The following FECH variants were observed in gnomAD, a reference collection of about 807,000 sequenced individuals.
FECH encodes the protein ferrochelatase.
A neutral mutation model predicts 56.9 loss-of-function variants in FECH; 40 were observed. That is an observed-to-expected ratio of 0.70 (90% CI 0.55 to 0.92). The LOEUF is 0.92. Among genes scored for constraint, FECH ranks in the 40% least tolerant of loss-of-function variants. The pLI is 0.00. For missense variants in FECH, 431 were observed against 529.1 expected (o/e 0.81, Z 1.82); for synonymous variants, 175 against 198.6 (o/e 0.88, Z 1.00).
chr18:57,580,135 G>C lies in FECH; in HGVS notation c.132C>G (p.Ala44=), dbSNP rs147500247. 3.1e-6 allele frequency: 5 copies of C among 1,614,128 alleles called. No homozygotes were observed. The highest frequency in any genetic ancestry group is 4.2e-6 in the Non-Finnish European group (5 of 1,180,022). Residue 44 remains alanine, a synonymous_variant, in exon 2 of 11, where the codon GCC becomes GCG. Coordinates refer to ENST00000262093, the MANE Select transcript of FECH (RefSeq NM_000140.5). The stretch of plus-strand genomic sequence containing the variant: ...CATGCTGGGCTGTTTCTGTGGTGAC[G>C]GCCGCTGCAGCTGCACCTGACTTCC... ...WRWKSGAAAA[A]VTTETAQHAQ...
chr18:57,561,548 A>G (rs1230919344), intron 6 of FECH, among the ~76,000 whole-genome samples: 1 of 152,206 alleles, frequency 6.6e-6, no homozygotes, highest in African/African-American at 2.4e-5. Flanking sequence ...AGCCTCTCAG[A>G]GCCTTCAATC....
chr18:57,576,719 T>C (rs1279983408), intron 2 of FECH, among the ~76,000 whole-genome samples: 1 of 152,194 alleles, frequency 6.6e-6, no homozygotes, highest in Non-Finnish European at 1.5e-5. Flanking sequence ...ATGAAAGAGA[T>C]GCACACGACT....
intron 9 of FECH, among the ~76,000 whole-genome samples, chr18:57,552,756 C>T (rs2050815795): frequency 6.6e-6 from 1 of 152,158 alleles, no homozygotes; most frequent in South Asian, 2.1e-4. Flanking sequence ...ATGGGAAAAA[C>T]GTTGAGATTC....
chr18:57,572,112 A>G (rs1249006799), intron 3 of FECH, among the ~76,000 whole-genome samples: 1 of 152,214 alleles, frequency 6.6e-6, no homozygotes, highest in Non-Finnish European at 1.5e-5. Context: ...TATCGATATA[A>G]CGTTATGAAA....
chr18:57,579,442 C>T (rs1489996780), intron 2 of FECH, among the ~76,000 whole-genome samples: 1 of 151,950 alleles, frequency 6.6e-6, no homozygotes, highest in Non-Finnish European at 1.5e-5. Context: ...TCTATGTACT[C>T]ATCTCGATAA....
rs2050747484 is a variant in FECH at position 57,548,324 on chromosome 18, T to C, written c.*2388A>G. ...CGAAGCAAATTTTGAGTGCAAAAAT[T>C]TATTGTGATTTTTAAAAAGTTAAGT... is the stretch of plus-strand genomic sequence containing the variant. On this transcript the variant is annotated 3_prime_UTR_variant, in exon 11 of 11. Transcript: ENST00000262093. The C allele has an allele frequency of 6.6e-6, 1 of 151,814 alleles. No individual in the cohort carries two copies. The highest frequency in any genetic ancestry group is 1.5e-5 in the Non-Finnish European group (1 of 67,974). The allele number at this position is 151,814 out of a possible 1,614,324, so 9.4% of individuals were successfully genotyped here. A position where few individuals can be genotyped will look rare whatever the true frequency, so the allele number is the denominator to read the frequency against.
At position 57,554,847 on chromosome 18, in the gene FECH, T is replaced by C; in HGVS notation, c.910A>G (p.Lys304Glu). 1.2e-6 allele frequency: 2 copies of C among 1,613,654 alleles called. No individual in the cohort carries two copies. Among genetic ancestry groups the C allele is most frequent in the Non-Finnish European group, 1.7e-6 (2 of 1,179,562 alleles). The change falls in exon 8 of 11, where the codon AAG becomes GAG. Residue 304 changes from lysine to glutamate, a missense_variant and splice_region_variant. Lys to Glu is a moderately conservative substitution (Grantham distance 56, BLOSUM62 1). Transcript: ENST00000262093. ...CNPYRLVWQS[K>E]VGPMPWLGPQ... Reference sequence around the variant, plus strand: ...CCGCCAGTGTGGAAGCCACTTACCTTGGATTGCCACACCAGTCGGTAGGGG... The same window carrying C: ...CCGCCAGTGTGGAAGCCACTTACCTCGGATTGCCACACCAGTCGGTAGGGG...
At chr18:57,558,801 A>G (rs1374869871) in intron 7 of FECH, among the ~76,000 whole-genome samples, 1 of 152,104 alleles carries the variant, frequency 6.6e-6, no homozygotes, top group Non-Finnish European at 1.5e-5. Flanking sequence ...GGTGCCTGTA[A>G]TCCCAGCTAC....
intron 8 of FECH, 62 bp downstream of exon 8, chr18:57,554,783 T>A: frequency 7.3e-7 from 1 of 1,369,958 alleles, no homozygotes; most frequent in South Asian, 1.2e-5. Flanking sequence ...AACCATTTTA[T>A]AACTCATAAA....
intron 1 of FECH, among the ~76,000 whole-genome samples, chr18:57,584,916 C>T (rs775563355): frequency 6.2e-5 from 9 of 145,580 alleles, no homozygotes; most frequent in Non-Finnish European, 1.0e-4. Context: ...GAGGCTGAGG[C>T]GGGAGGATCA....
chr18:57,547,782 G>A lies in FECH; in HGVS notation c.*2930C>T, dbSNP rs1324243244. Among the ~76,000 whole-genome samples the A allele has an allele frequency of 6.6e-6, 1 of 151,994 alleles. No individual in the cohort carries two copies. The highest frequency in any genetic ancestry group is 1.5e-5 in the Non-Finnish European group (1 of 67,998). ...TAAGTAGCTGGAACTACAGGCATGT[G>A]ACACTACACCCAGTTAATTTTTACT... On this transcript the variant is annotated 3_prime_UTR_variant, in exon 11 of 11. Coordinates refer to ENST00000262093, the MANE Select transcript of FECH (RefSeq NM_000140.5).
Position 57,550,654 on chromosome 18 carries a change from A to G in FECH, c.*58T>C, listed in dbSNP as rs905014013. 3 of 1,609,452 alleles carry G rather than the reference A, an allele frequency of 1.9e-6. No homozygotes were observed. The highest frequency in any genetic ancestry group is 1.3e-5 in the African/African-American group (1 of 74,808). On this transcript the variant is annotated 3_prime_UTR_variant, in exon 11 of 11. Transcript: ENST00000262093. ...GATCTCTAAATAACACCCTCTCCACATCGGAGGTATCTGGAGGTTGGGCAT... is the reference window on the plus strand; with the variant it reads ...GATCTCTAAATAACACCCTCTCCACGTCGGAGGTATCTGGAGGTTGGGCAT...
At chr18:57,585,801 G>A (rs558175803) in intron 1 of FECH, 3 of 152,320 alleles carry the variant, frequency 2.0e-5, no homozygotes, top group Middle Eastern at 3.4e-3. Context: ...CTGTGTGCCA[G>A]GCAAGGTGCT....
intron 1 of FECH, among the ~76,000 whole-genome samples, chr18:57,585,260 C>A (rs2051350461): frequency 6.6e-6 from 1 of 152,118 alleles, no homozygotes; most frequent in Non-Finnish European, 1.5e-5. Context: ...TCCTATCAAC[C>A]AAAATGATGA....
chr18:57,569,709 A>C (rs1465954535), intron 4 of FECH, among the ~76,000 whole-genome samples: 1 of 151,886 alleles, frequency 6.6e-6, no homozygotes, highest in Non-Finnish European at 1.5e-5. Flanking sequence ...CCCCACCCCC[A>C]TGCTCACTAG....
In FECH at chr18:57,545,042, T is replaced by A. The variant is rs955733336; in HGVS notation, c.*5670A>T. ...TACTACATGGATTATCAAGGTTAAA[T>A]CTATTCTTTCTTAACATGACAGGAA... On this transcript the variant is annotated 3_prime_UTR_variant, in exon 11 of 11. Transcript: ENST00000262093. 1.3e-5 allele frequency among the ~76,000 whole-genome samples: 2 copies of A among 152,190 alleles called. No individual in the cohort carries two copies. Among genetic ancestry groups the A allele is most frequent in the African/African-American group, 4.8e-5 (2 of 41,440 alleles).
intron 3 of FECH, 50 bp from the exon 4 acceptor site, chr18:57,571,590 C>G (rs952958078): frequency 9.3e-6 from 15 of 1,613,714 alleles, no homozygotes; most frequent in Middle Eastern, 1.6e-4. Flanking sequence ...GCTTAGCAAC[C>G]TGAGAAATGT....
intron 7 of FECH, among the ~76,000 whole-genome samples, chr18:57,558,028 G>T (rs1021171882): frequency 7.9e-5 from 12 of 152,212 alleles, no homozygotes; most frequent in African/African-American, 2.9e-4. Flanking sequence ...CAGCAGAGAC[G>T]ATGAGTGGAA....
At chr18:57,562,206 T>G (rs954551015) in intron 6 of FECH, among the ~76,000 whole-genome samples, 2 of 152,194 alleles carry the variant, frequency 1.3e-5, no homozygotes, top group African/African-American at 4.8e-5. Flanking sequence ...CAGAACAAAA[T>G]TATATTTGCA....
Sources: gnomAD v4.1 joint callset for allele counts (sites outside exome capture counted in the v4.1 genomes callset) on GRCh38, gnomAD v4.1.1 for gene constraint, MANE v1.5 for transcripts, NCBI Gene and HGNC (gene_info 2026-07-23, HGNC 2026-07-21) for gene names.